Variants in CFHR2 observed in about 807,000 individuals in gnomAD.
The protein encoded by CFHR2 is complement factor H-related protein 2.
A neutral mutation model predicts 21.7 loss-of-function variants in CFHR2; 22 were observed. The observed-to-expected ratio is 1.01, with a 90% CI of 0.72 to 1.45. CFHR2 has a LOEUF of 1.45. CFHR2 is among the 40% of genes most tolerant of loss of function. The pLI is 0.00. For synonymous variants in CFHR2, 98 were observed against 97.4 expected (o/e 1.01, Z -0.04); for missense variants, 294 against 293.3 (o/e 1.00, Z -0.02).
chr1:196,946,971 C>T (rs986594269), intron 1 of CFHR2, among the ~76,000 whole-genome samples: 1 of 152,156 alleles, frequency 6.6e-6, no homozygotes, highest in Non-Finnish European at 1.5e-5. Context: ...TTGCCACAAA[C>T]ATGTGAGTAA....
rs201838824 is a variant in CFHR2, at chr1:196,945,777, A to AGTGTGTGTGTGTGT, written c.58+1854_58+1867dup. Among the ~76,000 whole-genome samples the AGTGTGTGTGTGTGT allele has an allele frequency of 1.8e-4, 26 of 142,930 alleles. No homozygotes were observed. The South Asian group carries it at 4.3e-3, about 24-fold the overall frequency. 93.8% of individuals were successfully genotyped at this position (142,930 alleles called of 152,430 possible). ...GGCTATATATAGGTGACTGTGAGTGAGTGTGTGTGTGTGTGTGTGTGTGTG... is the reference window on the plus strand; with the variant it reads ...GGCTATATATAGGTGACTGTGAGTGAGTGTGTGTGTGTGTGTGTGTGTGTGTGTGTGTGTGTGTG... On this transcript the variant is annotated intron_variant, in intron 1 of 4. Transcript: ENST00000367415.
intron 1 of CFHR2, among the ~76,000 whole-genome samples, chr1:196,946,764 CATT>C (rs918701398): frequency 4.6e-5 from 7 of 152,180 alleles, no homozygotes; most frequent in Non-Finnish European, 7.3e-5. Flanking sequence ...CCTCAGGAAA[CATT>C]AACCGTTTTA....
chr1:196,952,164 C>T (rs1291864986), intron 3 of CFHR2, among the ~76,000 whole-genome samples: 2 of 152,032 alleles, frequency 1.3e-5, no homozygotes, highest in Non-Finnish European at 2.9e-5. Flanking sequence ...TAGTCTCAGC[C>T]ACTGGTAAGT....
In CFHR2 at chr1:196,948,003, G is replaced by GTA. The variant is rs375700729; in HGVS notation, c.59-1444_59-1443dup. 2.0e-3 allele frequency among the ~76,000 whole-genome samples: 300 copies of GTA among 152,136 alleles called. 1 individual carries two copies. The highest frequency in any genetic ancestry group is 7.1e-3 in the African/African-American group (294 of 41,502). ...TATAAAGTCTTATAAAAATATGTGTGTATATATATGAATGTGTACACAAAG... is the reference window on the plus strand; with the variant it reads ...TATAAAGTCTTATAAAAATATGTGTGTATATATATATGAATGTGTACACAAAG... On this transcript the variant is annotated intron_variant, in intron 1 of 4. Transcript: ENST00000367415.
At chr1:196,947,903 G>T (rs558217726) in intron 1 of CFHR2, among the ~76,000 whole-genome samples, 1 of 152,182 alleles carries the variant, frequency 6.6e-6, no homozygotes, top group South Asian at 2.1e-4. Context: ...TTATGCATGT[G>T]GTAGGGAAGA....
intron 3 of CFHR2, among the ~76,000 whole-genome samples, chr1:196,956,753 T>C (rs891833574): frequency 2.0e-5 from 3 of 151,804 alleles, no homozygotes; most frequent in African/African-American, 7.3e-5. Flanking sequence ...TGTTGTCTTT[T>C]GTTATTAATA....
Position 196,949,542 on chromosome 1 carries a change from A to C in CFHR2, c.146A>C (p.Glu49Ala). The C allele has an allele frequency of 6.2e-7, 1 of 1,613,986 alleles. No individual in the cohort carries two copies. The highest frequency in any genetic ancestry group is 1.1e-5 in the South Asian group (1 of 91,078). ...YKPFSQVPTG[E>A]VFYYSCEYNF... The stretch of plus-strand genomic sequence containing the variant: ...CCATTTTCCCAAGTTCCTACAGGGG[A>C]AGTTTTCTATTACTCCTGTGAATAT... The change falls in exon 2 of 5, where the codon GAA (glutamate) becomes GCA (alanine). Residue 49 changes from glutamate (E) to alanine (A), a missense_variant. Transcript: ENST00000367415.
intron 2 of CFHR2, 39 bp downstream of exon 2, chr1:196,949,688 A>C (rs183530095): frequency 6.2e-7 from 1 of 1,608,662 alleles, no homozygotes. Context: ...ATGTCATTCA[A>C]TGAACAGAGA....
In CFHR2 at chr1:196,958,918, T is replaced by C. The variant is rs1349534610; in HGVS notation, c.651T>C (p.Tyr217=). 7 of 1,596,160 alleles carry C rather than the reference T, an allele frequency of 4.4e-6. No homozygotes were observed. The highest frequency in any genetic ancestry group is 5.1e-6 in the Non-Finnish European group (6 of 1,165,078). ...TATCACAAGAAATTATGGAAAAATA[T>C]AACATAAAATTAAAGTGGACAAACC... ...CVISQEIMEK[Y]NIKLKWTNQQ... The change falls in exon 5 of 5, where the codon TAT becomes TAC. Residue 217 remains tyrosine (Y), a synonymous_variant. Transcript: ENST00000367415.
At chr1:196,952,828 A>G (rs923574731) in intron 3 of CFHR2, among the ~76,000 whole-genome samples, 12 of 152,340 alleles carry the variant, frequency 7.9e-5, no homozygotes, top group African/African-American at 2.6e-4. Context: ...AACTTAGCAC[A>G]TTTTATTTAA....
intron 3 of CFHR2, among the ~76,000 whole-genome samples, chr1:196,953,730 G>A (rs9427934): frequency 0.32 from 48,843 of 152,034 alleles, 8,361 homozygotes; most frequent in Middle Eastern, 0.44. Flanking sequence ...TCATATTCTA[G>A]TGGGATTTGC....
In CFHR2 at chr1:196,946,691, G is replaced by A. The variant is rs186745070; in HGVS notation, c.58+2753G>A. On this transcript the variant is annotated intron_variant, in intron 1 of 4. Coordinates refer to ENST00000367415, the MANE Select transcript of CFHR2 (RefSeq NM_005666.4). ...TAGAAGATCTTCAGGGCAGTAACAG[G>A]CATGGAGCTGTCCTCTCCTATGATA... 4.0e-3 allele frequency among the ~76,000 whole-genome samples: 612 copies of A among 152,274 alleles called. 7 individuals are homozygous for A. Among genetic ancestry groups the A allele is most frequent in the African/African-American group, 0.013 (522 of 41,556 alleles).
intron 3 of CFHR2, among the ~76,000 whole-genome samples, chr1:196,956,833 A>G (rs1267135223): frequency 6.6e-6 from 1 of 150,734 alleles, no homozygotes; most frequent in African/African-American, 2.5e-5. Flanking sequence ...TATTCTAGAT[A>G]TTTTAGGTGT....
chr1:196,956,887 C>T (rs532544620), intron 3 of CFHR2, among the ~76,000 whole-genome samples: 1 of 152,064 alleles, frequency 6.6e-6, no homozygotes, highest in African/African-American at 2.4e-5. Flanking sequence ...TTGGCAGGTT[C>T]CATTGCTGCC....
Position 196,959,198 on chromosome 1 carries a change from T to G in CFHR2, c.*118T>G. 1.3e-6 allele frequency: 1 copy of G among 768,680 alleles called. No individual in the cohort carries two copies. The highest frequency in any genetic ancestry group is 2.0e-6 in the Non-Finnish European group (1 of 492,936). The allele number at this position is 768,680 out of a possible 1,614,324, so 47.6% of individuals were successfully genotyped here. ...TCATTTTTATTCATAAATAAAGTTT[T>G]GTGTTGATTTGTGAAAATGCAATTA... On this transcript the variant is annotated 3_prime_UTR_variant, in exon 5 of 5. Coordinates refer to ENST00000367415, the MANE Select transcript of CFHR2 (RefSeq NM_005666.4).
chr1:196,949,742 G>A, intron 2 of CFHR2, 93 bp downstream of exon 2: 2 of 1,505,668 alleles, frequency 1.3e-6, no homozygotes, highest in Non-Finnish European at 1.8e-6. Context: ...AATCACAGGA[G>A]CAGTGACCAG....
At position 196,950,462 on chromosome 1, in the gene CFHR2, G is replaced by GT. The variant is rs543586790; in HGVS notation, c.254-387dup. On this transcript the variant is annotated intron_variant, in intron 2 of 4. Transcript: ENST00000367415. ...AGCTTTCCTTTTTGGTTTTTTGTTTGTTTGTTTTGTTTTGTTTTGTTTTGT... is the reference window on the plus strand; with the variant it reads ...AGCTTTCCTTTTTGGTTTTTTGTTTGTTTTGTTTTGTTTTGTTTTGTTTTGT... 6.1e-3 allele frequency among the ~76,000 whole-genome samples: 919 copies of GT among 151,730 alleles called. 11 individuals are homozygous for GT. The highest frequency in any genetic ancestry group is 0.021 in the African/African-American group (880 of 41,378).
chr1:196,958,081 C>G lies in CFHR2; in HGVS notation c.613+8C>G. ...AACCACCAAAATGCTTAGGTAAGTA[C>G]TTTAATATTCTCATGGATTCTGGAA... On this transcript the variant is annotated splice_region_variant and intron_variant, in intron 4 of 4. Transcript: ENST00000367415. 1 of 1,610,616 alleles carries G rather than the reference C, an allele frequency of 6.2e-7. No individual in the cohort carries two copies. Among genetic ancestry groups the G allele is most frequent in the Admixed American group, 1.7e-5 (1 of 59,948 alleles).
At chr1:196,949,382 G>A in intron 1 of CFHR2, 73 bp from the exon 2 acceptor site, 1 of 1,408,944 alleles carries the variant, frequency 7.1e-7, no homozygotes, top group South Asian at 1.4e-5. Context: ...TAAATGAGAT[G>A]ATTAAAATAT....
Sources: gnomAD v4.1 joint callset for allele counts (sites outside exome capture counted in the v4.1 genomes callset) on GRCh38, gnomAD v4.1.1 for gene constraint, MANE v1.5 for transcripts, NCBI Gene and HGNC (gene_info 2026-07-23, HGNC 2026-07-21) for gene names.